CCNB2: variants seen among roughly 807,000 people sequenced by gnomAD.
CCNB2 encodes the protein cyclin B2.
In CCNB2, 39 loss-of-function variants were observed where a neutral mutation model predicts 51.1. The ratio of observed to expected loss-of-function variants is 0.76; its 90% CI spans 0.59 to 1.00. The LOEUF (loss-of-function observed/expected upper bound fraction) is 1.00. CCNB2 is among the 50% of genes least tolerant of loss of function. The probability of loss-of-function intolerance (pLI) is 0.00; values close to 1 mark genes in which losing one functional copy is unlikely to be tolerated. For synonymous variants in CCNB2, 174 were observed against 165.5 expected (o/e 1.05, Z -0.40); for missense variants, 472 against 470.3 (o/e 1.00, Z -0.03).
Position 59,114,551 on chromosome 15 carries a change from G to C in CCNB2, c.375G>C (p.Trp125Cys). ...CKIEDIDNED[W>C]ENPQLCSDYV... Reference sequence around the variant, plus strand: ...TCGAGGACATTGATAACGAAGATTGGGAGAACCCTCAGCTCTGCAGTGACT... The same window carrying C: ...TCGAGGACATTGATAACGAAGATTGCGAGAACCCTCAGCTCTGCAGTGACT... The change falls in exon 4 of 9, where the codon TGG becomes TGC. Residue 125 changes from tryptophan (W) to cysteine (C), a missense_variant. Physicochemically the swap from Trp to Cys is radical, Grantham distance 215. Transcript: ENST00000288207. 2.5e-6 allele frequency: 4 copies of C among 1,613,662 alleles called. No homozygotes were observed. The highest frequency in any genetic ancestry group is 3.4e-6 in the Non-Finnish European group (4 of 1,179,784).
At chr15:59,108,012 T>A (rs939603195) in intron 3 of CCNB2, among the ~76,000 whole-genome samples, 18 of 150,230 alleles carry the variant, frequency 1.2e-4, no homozygotes, top group African/African-American at 2.7e-4. Context: ...AAAAAAAAAA[T>A]AAATATTACG....
intron 2 of CCNB2, 49 bp downstream of exon 2, chr15:59,107,499 G>T (rs1473398563): frequency 6.2e-7 from 1 of 1,613,362 alleles, no homozygotes. Context: ...ATTCTGTATA[G>T]TGCTGAGTCC....
At chr15:59,108,275 T>C (rs148015872) in intron 3 of CCNB2, among the ~76,000 whole-genome samples, 1 of 152,306 alleles carries the variant, frequency 6.6e-6, no homozygotes, top group Non-Finnish European at 1.5e-5. Context: ...AACCAGAAGA[T>C]AAGGCTGGGA....
intron 1 of CCNB2, among the ~76,000 whole-genome samples, chr15:59,106,841 G>C (rs2079237449): frequency 6.6e-6 from 1 of 152,048 alleles, no homozygotes; most frequent in Non-Finnish European, 1.5e-5. Flanking sequence ...AGCTAGTTTA[G>C]GTTTTAAACA....
At position 59,112,529 on chromosome 15, in the gene CCNB2, T is replaced by C. The variant is rs2079261608; in HGVS notation, c.268-1915T>C. On this transcript the variant is annotated intron_variant, in intron 3 of 8. Transcript: ENST00000288207. ...GCCCAGCTAATTTTTGTATTTTTAG[T>C]AGAGATGGGGTTTCACCATGTTGGT... Among the ~76,000 whole-genome samples the C allele has an allele frequency of 2.6e-5, 4 of 151,860 alleles. No homozygotes were observed. The South Asian group carries it at 8.3e-4, about 32-fold the overall frequency.
chr15:59,105,165 G>C lies in CCNB2; in HGVS notation c.-104G>C. ...AGCGTCGAAGATCCCCAGCGCTGCG[G>C]GCTCGGAGAGCAGTCCTAACGGCGC... On this transcript the variant is annotated 5_prime_UTR_variant, in exon 1 of 9. Coordinates refer to ENST00000288207, the MANE Select transcript of CCNB2 (RefSeq NM_004701.4). 1 of 1,069,232 alleles carries C rather than the reference G, an allele frequency of 9.4e-7. No individual in the cohort carries two copies. Among genetic ancestry groups the C allele is most frequent in the Non-Finnish European group, 1.4e-6 (1 of 736,406 alleles). The allele number at this position is 1,069,232 out of a possible 1,614,324, so 66.2% of individuals were successfully genotyped here.
intron 7 of CCNB2, among the ~76,000 whole-genome samples, chr15:59,119,772 G>A (rs938158304): frequency 1.7e-4 from 26 of 152,162 alleles, no homozygotes; most frequent in African/African-American, 5.8e-4. Context: ...CAGTGCTGCT[G>A]TCACAGCTCA....
At chr15:59,114,036 T>C (rs1459295221) in intron 3 of CCNB2, among the ~76,000 whole-genome samples, 2 of 152,164 alleles carry the variant, frequency 1.3e-5, no homozygotes, top group African/African-American at 2.4e-5. Context: ...ATAGACCCCA[T>C]TGAGAATGTA....
At chr15:59,123,213 C>G (rs1246726852) in intron 7 of CCNB2, among the ~76,000 whole-genome samples, 1 of 152,116 alleles carries the variant, frequency 6.6e-6, no homozygotes, top group Non-Finnish European at 1.5e-5. Flanking sequence ...TTTTCCATCC[C>G]CTTTCAGTGT....
At chr15:59,124,587 G>A in intron 8 of CCNB2, 180 bp from the exon 9 acceptor site, 4 of 600,308 alleles carry the variant, frequency 6.7e-6, no homozygotes, top group South Asian at 5.8e-5. Context: ...CATTAATGGG[G>A]ATGGAAGGAA....
chr15:59,113,123 TA>T (rs1360800508), intron 3 of CCNB2, among the ~76,000 whole-genome samples: 2 of 152,222 alleles, frequency 1.3e-5, no homozygotes, highest in East Asian at 3.8e-4. Context: ...TTAATTTGCA[TA>T]ATTTTTATAA....
chr15:59,116,086 G>GA (rs200998286), intron 5 of CCNB2: 256 of 143,842 alleles, frequency 1.8e-3, no homozygotes, highest in African/African-American at 5.2e-3. Context: ...AGTTTGGGAG[G>GA]AAAAAAAAAA....
chr15:59,122,078 A>C (rs2079304490), intron 7 of CCNB2, among the ~76,000 whole-genome samples: 1 of 151,376 alleles, frequency 6.6e-6, no homozygotes. Flanking sequence ...TGATAGTGCC[A>C]CTGCACTCCA....
intron 7 of CCNB2, among the ~76,000 whole-genome samples, chr15:59,117,947 A>C (rs751566855): frequency 2.6e-5 from 4 of 152,222 alleles, no homozygotes; most frequent in South Asian, 2.1e-4. Flanking sequence ...CTTGGGAAAG[A>C]AAGCAAGCAA....
chr15:59,111,914 A>G (rs535111682), intron 3 of CCNB2, among the ~76,000 whole-genome samples: 1 of 144,332 alleles, frequency 6.9e-6, no homozygotes, highest in East Asian at 2.1e-4. Context: ...GTACAGTGGC[A>G]TAATCATGGG....
intron 8 of CCNB2, chr15:59,123,946 C>T: frequency 9.0e-6 from 2 of 221,878 alleles, no homozygotes; most frequent in South Asian, 8.4e-5. Flanking sequence ...GGGCACTTTG[C>T]AAGCAGGGAA....
intron 1 of CCNB2, among the ~76,000 whole-genome samples, chr15:59,106,395 C>G (rs1290760696): frequency 6.6e-6 from 1 of 152,154 alleles, no homozygotes; most frequent in Non-Finnish European, 1.5e-5. Flanking sequence ...TCAGGGAAGG[C>G]TTGAGTTTCC....
chr15:59,121,993 C>G (rs1466033792), intron 7 of CCNB2, among the ~76,000 whole-genome samples: 2 of 140,106 alleles, frequency 1.4e-5, no homozygotes, highest in East Asian at 4.2e-4. Context: ...TGGCATACAC[C>G]TATAGTTTCA....
chr15:59,118,212 G>A (rs748320590), intron 7 of CCNB2, among the ~76,000 whole-genome samples: 3 of 152,180 alleles, frequency 2.0e-5, no homozygotes, highest in Admixed American at 6.5e-5. Flanking sequence ...GCAGCTCCTC[G>A]GGTCTTTGTT....
Sources: gnomAD v4.1 joint callset for allele counts (sites outside exome capture counted in the v4.1 genomes callset) on GRCh38, gnomAD v4.1.1 for gene constraint, MANE v1.5 for transcripts, NCBI Gene and HGNC (gene_info 2026-07-23, HGNC 2026-07-21) for gene names.